NEK10: variants seen among roughly 807,000 people sequenced by gnomAD.
The protein encoded by NEK10 is serine/threonine-protein kinase Nek10.
In NEK10, 122 loss-of-function variants were observed where a neutral mutation model predicts 159.8. The ratio of observed to expected loss-of-function variants is 0.76; its 90% CI spans 0.66 to 0.89. The LOEUF (loss-of-function observed/expected upper bound fraction) is 0.89. Among genes scored for constraint, NEK10 ranks in the 40% least tolerant of loss-of-function variants. The pLI is 0.00. For synonymous variants in NEK10, 466 were observed against 457.1 expected, an observed-to-expected ratio of 1.02 and a Z score of -0.25; for missense variants, 1,342 against 1,323.1, an observed-to-expected ratio of 1.01 and a Z score of -0.22.
chr3:27,263,227 A>T (rs551047051), intron 22 of NEK10, among the ~76,000 whole-genome samples: 1 of 152,260 alleles, frequency 6.6e-6, no homozygotes, highest in African/African-American at 2.4e-5. Flanking sequence ...GTCTGCCCCT[A>T]CTAGGGGGTG....
intron 7 of NEK10, among the ~76,000 whole-genome samples, 165 bp from the exon 8 acceptor site, chr3:27,312,342 G>T (rs2044764037): frequency 6.6e-6 from 1 of 152,184 alleles, no homozygotes; most frequent in Non-Finnish European, 1.5e-5. Flanking sequence ...TGCAAAAGGT[G>T]ACTGGGTTTC....
intron 26 of NEK10, among the ~76,000 whole-genome samples, chr3:27,178,348 G>C (rs1259669823): frequency 6.6e-6 from 1 of 152,078 alleles, no homozygotes; most frequent in African/African-American, 2.4e-5. Flanking sequence ...AGTTTTAGGA[G>C]AGAAAGAAAA....
intron 23 of NEK10, among the ~76,000 whole-genome samples, chr3:27,241,204 T>C (rs1461786354): frequency 6.6e-6 from 1 of 152,044 alleles, no homozygotes; most frequent in Non-Finnish European, 1.5e-5. Context: ...GGGGGAAAAA[T>C]AAGATTTTTT....
chr3:27,304,893 C>T lies in NEK10; in HGVS notation c.882G>A (p.Pro294=), dbSNP rs201128298. The T allele has an allele frequency of 2.4e-5, 39 of 1,613,444 alleles. No individual in the cohort carries two copies. In the Admixed American group the frequency reaches 2.5e-4, roughly 10 times the overall value. The change falls in exon 12 of 36, where the codon CCG becomes CCA. Residue 294 remains proline (P), a synonymous_variant. Transcript: ENST00000691995. ...KEQVKLYEGI[P]VLLSLLHSDH... ...CAGAGTGGAGCAGACTGAGGAGGACCGGTATCCCCTCATAGAGCTTCACCT... is the reference window on the plus strand; with the variant it reads ...CAGAGTGGAGCAGACTGAGGAGGACTGGTATCCCCTCATAGAGCTTCACCT...
intron 22 of NEK10, 47 bp downstream of exon 22, chr3:27,284,555 G>A: frequency 9.6e-7 from 1 of 1,040,216 alleles, no homozygotes; most frequent in Non-Finnish European, 1.5e-6. Flanking sequence ...CTCTAGGATA[G>A]TATTCAGGAA....
At chr3:27,203,790 G>A (rs370463123) in intron 23 of NEK10, among the ~76,000 whole-genome samples, 4 of 152,138 alleles carry the variant, frequency 2.6e-5, no homozygotes, top group Non-Finnish European at 5.9e-5. Context: ...TTCTTGAGAG[G>A]AAGAAGAATT....
intron 26 of NEK10, among the ~76,000 whole-genome samples, chr3:27,176,985 T>C (rs1475262566): frequency 6.6e-6 from 1 of 152,152 alleles, no homozygotes; most frequent in African/African-American, 2.4e-5. Flanking sequence ...CATTTTTCTT[T>C]GAACAAATGA....
chr3:27,140,346 A>G (rs1943662578), intron 31 of NEK10, among the ~76,000 whole-genome samples: 1 of 152,162 alleles, frequency 6.6e-6, no homozygotes, highest in Admixed American at 6.5e-5. Flanking sequence ...GGCCCCTGAA[A>G]TATTACTACA....
chr3:27,310,900 A>G (rs2044638906), intron 9 of NEK10, 49 bp downstream of exon 9: 1 of 1,152,484 alleles, frequency 8.7e-7, no homozygotes, highest in Non-Finnish European at 1.3e-6. Flanking sequence ...CCTAATGTGA[A>G]CTATTGCCAT....
At chr3:27,326,077 A>G (rs1033212017) in intron 5 of NEK10, among the ~76,000 whole-genome samples, 3 of 152,226 alleles carry the variant, frequency 2.0e-5, no homozygotes, top group Admixed American at 2.0e-4. Flanking sequence ...TTCAGATCAG[A>G]CATACCCTGC....
At chr3:27,293,676 T>C (rs745308978) in intron 15 of NEK10, 24 bp from the exon 16 acceptor site, 1 of 1,277,400 alleles carries the variant, frequency 7.8e-7, no homozygotes, top group South Asian at 1.3e-5. Context: ...GGATATGTGA[T>C]TCTCAAATGG....
chr3:27,291,743 C>T (rs1325757306), intron 16 of NEK10, among the ~76,000 whole-genome samples, 157 bp from the exon 17 acceptor site: 14 of 152,084 alleles, frequency 9.2e-5, no homozygotes, highest in Admixed American at 6.6e-4. Flanking sequence ...CCCACGTTCA[C>T]GCCATTCTCC....
intron 22 of NEK10, among the ~76,000 whole-genome samples, chr3:27,256,775 T>C (rs1364972488): frequency 6.6e-6 from 1 of 152,196 alleles, no homozygotes; most frequent in Admixed American, 6.5e-5. Context: ...AGTACAAGTA[T>C]GTTCAAAATA....
chr3:27,160,067 G>A (rs1409583936), intron 30 of NEK10, among the ~76,000 whole-genome samples: 2 of 151,962 alleles, frequency 1.3e-5, no homozygotes, highest in Non-Finnish European at 2.9e-5. Flanking sequence ...AAGAAAGCGA[G>A]ACCAAATGTT....
In NEK10 at chr3:27,147,206, A is replaced by G. The variant is rs548659974; in HGVS notation, c.2870-5624T>C. On this transcript the variant is annotated intron_variant, in intron 30 of 35. Coordinates refer to ENST00000691995, the MANE Select transcript of NEK10 (RefSeq NM_001394966.1). ...CACGTTGTGGGGTGAATCAATCTAC[A>G]GTGCACTGTAGCTGTTTCCACATGG... 1.2e-4 allele frequency among the ~76,000 whole-genome samples: 19 copies of G among 152,304 alleles called. 1 individual carries two copies. The East Asian group carries it at 2.7e-3, about 22-fold the overall frequency.
In NEK10 at chr3:27,171,839, T is replaced by C. The variant is rs1478053178; in HGVS notation, c.2811A>G (p.Gly937=). The change falls in exon 29 of 36, where the codon GGA becomes GGG. Residue 937 remains glycine, a synonymous_variant. Coordinates refer to ENST00000691995, the MANE Select transcript of NEK10 (RefSeq NM_001394966.1). ...CCTACCTTGTTTGGGATTGTCTTTCTCCTCCTGAAGCACTAAAACTTCTCT... is the reference window on the plus strand; with the variant it reads ...CCTACCTTGTTTGGGATTGTCTTTCCCCTCCTGAAGCACTAAAACTTCTCT... The part of the protein sequence containing the change: ...ILKRSFSASG[G]ERQSQTRDFT... 6.2e-7 allele frequency: 1 copy of C among 1,613,774 alleles called. No individual in the cohort carries two copies. Among genetic ancestry groups the C allele is most frequent in the African/African-American group, 1.3e-5 (1 of 74,914 alleles).
At chr3:27,294,897 C>A (rs753410173) in intron 15 of NEK10, among the ~76,000 whole-genome samples, 1 of 152,104 alleles carries the variant, frequency 6.6e-6, no homozygotes, top group Admixed American at 6.6e-5. Context: ...TAGAACCCTG[C>A]GTAACTGTTC....
chr3:27,346,100 T>G lies in NEK10; in HGVS notation c.249A>C (p.Glu83Asp), dbSNP rs1448384179. The change falls in exon 4 of 36, where the codon GAA becomes GAC. Residue 83 changes from glutamate (E) to aspartate (D), a missense_variant. Coordinates refer to ENST00000691995, the MANE Select transcript of NEK10 (RefSeq NM_001394966.1). ...GQWHESTEAV[E>D]LENFSINYKN... ...GGATTTCTTACCTAAAATTTTCAAG[T>G]TCAACAGCTTCTGTGGATTCATGCC... 1.2e-6 allele frequency: 2 copies of G among 1,613,530 alleles called. No homozygotes were observed. Among genetic ancestry groups the G allele is most frequent in the African/African-American group, 2.7e-5 (2 of 74,878 alleles).
rs959811998 is a variant in NEK10, at chr3:27,109,273, G to A, written c.*1999C>T. Among the ~76,000 whole-genome samples the A allele has an allele frequency of 6.6e-6, 1 of 151,940 alleles. No individual in the cohort carries two copies. The highest frequency in any genetic ancestry group is 6.6e-5 in the Admixed American group (1 of 15,246). On this transcript the variant is annotated 3_prime_UTR_variant, in exon 36 of 36. Coordinates refer to ENST00000691995, the MANE Select transcript of NEK10 (RefSeq NM_001394966.1). ...ACATGCCTGTAATCCCAGTTACTCG[G>A]GAGGCTGAGGCAGGAGAATTGCTTG...
Sources: allele counts gnomAD v4.1 joint callset (sites outside exome capture counted in the v4.1 genomes callset), GRCh38; gene constraint gnomAD v4.1.1; transcripts MANE v1.5; gene names NCBI Gene and HGNC (gene_info 2026-07-23, HGNC 2026-07-21).